The following LETM1 variants were observed in gnomAD, a reference collection of about 807,000 sequenced individuals.
LETM1 encodes mitochondrial proton/calcium exchanger protein.
A neutral mutation model predicts 74.5 loss-of-function variants in LETM1; 50 were observed. The ratio of observed to expected loss-of-function variants is 0.67; its 90% CI spans 0.53 to 0.85. LETM1 has a LOEUF of 0.85. LETM1 is among the 40% of genes least tolerant of loss of function. LETM1 has a pLI of 0.00. For missense variants in LETM1, 824 were observed against 967.8 expected (o/e 0.85, Z 1.97); for synonymous variants, 446 against 407.1 (o/e 1.10, Z -1.15).
At chr4:1,851,518 G>C (rs570333708) in intron 1 of LETM1, among the ~76,000 whole-genome samples, 2 of 152,320 alleles carry the variant, frequency 1.3e-5, no homozygotes, top group African/African-American at 4.8e-5. Flanking sequence ...TTTAGGGCTT[G>C]TAACAGTCCG....
chr4:1,839,685 T>TA (rs1712617459), intron 3 of LETM1, among the ~76,000 whole-genome samples: 1 of 152,212 alleles, frequency 6.6e-6, no homozygotes, highest in African/African-American at 2.4e-5. Flanking sequence ...TCACCTGCCC[T>TA]AAGGCAGGTC....
chr4:1,815,934 C>G, intron 12 of LETM1, 132 bp from the exon 13 acceptor site: 1 of 1,044,088 alleles, frequency 9.6e-7, no homozygotes, highest in Admixed American at 2.0e-5. Context: ...ACCTCCAGCA[C>G]GGACCCCCAA....
rs201713811 is a variant in LETM1, at chr4:1,825,547, G to A, written c.1200+17C>T. ...TTGAGCCCGTGCCGGCCTGGCACCA[G>A]GCCAATATTCACGCACCTGCTTCAG... On this transcript the variant is annotated intron_variant, in intron 7 of 13. Transcript: ENST00000302787. The A allele has an allele frequency of 1.2e-6, 2 of 1,602,760 alleles. No individual in the cohort carries two copies. Among genetic ancestry groups the A allele is most frequent in the African/African-American group, 1.3e-5 (1 of 74,112 alleles).
intron 8 of LETM1, 69 bp from the exon 9 acceptor site, chr4:1,823,200 G>T: frequency 6.8e-7 from 1 of 1,480,254 alleles, no homozygotes. Context: ...CCTCACCTCT[G>T]TCCTGTGTCC....
chr4:1,850,559 C>T (rs944164139), intron 1 of LETM1, among the ~76,000 whole-genome samples: 2 of 148,296 alleles, frequency 1.3e-5, no homozygotes, highest in African/African-American at 2.5e-5. Flanking sequence ...CCAGCACAGA[C>T]GTGAACCCGG....
chr4:1,828,818 C>T (rs1389456456), intron 6 of LETM1, among the ~76,000 whole-genome samples: 30 of 132,750 alleles, frequency 2.3e-4, no homozygotes, highest in Non-Finnish European at 4.4e-4. Flanking sequence ...GGGGCTGACC[C>T]CCCCCACCTC....
At chr4:1,843,137 ATTAC>A (rs1369948572) in intron 2 of LETM1, 3 of 218,602 alleles carry the variant, frequency 1.4e-5, no homozygotes, top group African/African-American at 7.2e-5. Context: ...TTCCAGCTCC[ATTAC>A]TTACTGCTGC....
chr4:1,819,109 C>T (rs115023498), intron 11 of LETM1, among the ~76,000 whole-genome samples: 2,290 of 151,408 alleles, frequency 0.015, 31 homozygotes, highest in African/African-American at 0.039. Flanking sequence ...AAGGTGCACA[C>T]ACATCTGTGG....
intron 6 of LETM1, among the ~76,000 whole-genome samples, chr4:1,828,370 CG>C (rs1712097316): frequency 3.3e-5 from 3 of 92,108 alleles, no homozygotes; most frequent in African/African-American, 9.0e-5. Context: ...GCTGGCCGGG[CG>C]GGGGGCTGAC....
In LETM1 at chr4:1,815,205, C is replaced by A. The variant is rs562057026; in HGVS notation, c.2070+459G>T. Among the ~76,000 whole-genome samples, 281 of 152,340 alleles carry A rather than the reference C, an allele frequency of 1.8e-3. 3 individuals carry two copies. Among genetic ancestry groups the A allele is most frequent in the Middle Eastern group, 3.4e-3 (1 of 294 alleles). ...GAACCTGAGTGGCTGCACTTGGGAG[C>A]TCAGCCCAGCAGTCACCTCTCAGCC... On this transcript the variant is annotated intron_variant, in intron 13 of 13. Transcript: ENST00000302787.
At chr4:1,820,822 G>A (rs1005512951) in intron 10 of LETM1, among the ~76,000 whole-genome samples, 3 of 152,086 alleles carry the variant, frequency 2.0e-5, no homozygotes, top group African/African-American at 4.8e-5. Context: ...TCAGGAGTTC[G>A]AGACCAGCCT....
chr4:1,822,358 A>G, intron 9 of LETM1, 46 bp from the exon 10 acceptor site: 3 of 1,412,178 alleles, frequency 2.1e-6, no homozygotes, highest in Non-Finnish European at 2.8e-6. Context: ...ATCACACAGA[A>G]GCAGTCTTCT....
In LETM1 at chr4:1,812,359, TG is replaced by T. The variant is rs1427193542; in HGVS notation, c.*2064del. Reference sequence around the variant, plus strand: ...CAGCCTGGGTGACAGAGCGAGACTCTGTATCAAAAAAAAAAAAAAAAAAAAA... The same window carrying T: ...CAGCCTGGGTGACAGAGCGAGACTCTTATCAAAAAAAAAAAAAAAAAAAAA... On this transcript the variant is annotated 3_prime_UTR_variant, in exon 14 of 14. Transcript: ENST00000302787. 4.1e-4 allele frequency: 40 copies of T among 97,250 alleles called. No homozygotes were observed. The highest frequency in any genetic ancestry group is 3.1e-3 in the Admixed American group (24 of 7,820). The allele number at this position is 97,250 out of a possible 1,614,324, so 6.0% of individuals were successfully genotyped here.
intron 11 of LETM1, among the ~76,000 whole-genome samples, chr4:1,818,856 T>G (rs906446228): frequency 6.6e-6 from 1 of 151,620 alleles, no homozygotes; most frequent in Non-Finnish European, 1.5e-5. Flanking sequence ...GCGAGGCAGG[T>G]CGGTCACCTG....
chr4:1,825,480 T>C (rs941528617), intron 7 of LETM1, 84 bp downstream of exon 7: 16 of 1,522,890 alleles, frequency 1.1e-5, no homozygotes, highest in Non-Finnish European at 1.2e-5. Context: ...GCCCAGAGTT[T>C]GGGAAGAGCC....
chr4:1,819,412 C>G lies in LETM1; in HGVS notation c.1669G>C (p.Glu557Gln). Residue 557 changes from glutamate to glutamine, a missense_variant, in exon 11 of 14, where the codon GAG becomes CAG. Coordinates refer to ENST00000302787, the MANE Select transcript of LETM1 (RefSeq NM_012318.3). ...TCCTTGGTGAGTGACTTCTTCTGCT[C>G]CTGCAGCTTAGAGCAGGCATCGCTG... Reference protein sequence around the residue: ...ILSDACSKLQEQKKSLTKEKE... With the variant: ...ILSDACSKLQQQKKSLTKEKE... The G allele has an allele frequency of 6.2e-7, 1 of 1,614,004 alleles. No homozygotes were observed. Among genetic ancestry groups the G allele is most frequent in the Non-Finnish European group, 8.5e-7 (1 of 1,179,970 alleles).
chr4:1,823,315 G>A (rs1004858933), intron 8 of LETM1, among the ~76,000 whole-genome samples, 184 bp from the exon 9 acceptor site: 9 of 150,110 alleles, frequency 6.0e-5, no homozygotes, highest in East Asian at 4.0e-4. Flanking sequence ...CGCCCTCTGC[G>A]CTCGCCCGAT....
rs1372693230 is a variant in LETM1 at position 1,836,639 on chromosome 4, C to A, written c.595-67G>T. 1 of 1,556,684 alleles carries A rather than the reference C, an allele frequency of 6.4e-7. No individual in the cohort carries two copies. Among genetic ancestry groups the A allele is most frequent in the Non-Finnish European group, 8.8e-7 (1 of 1,134,102 alleles). On this transcript the variant is annotated intron_variant, in intron 3 of 13. Coordinates refer to ENST00000302787, the MANE Select transcript of LETM1 (RefSeq NM_012318.3). This position sits in a 1 kb window ranked among gnomAD's most constrained non-coding sequence, Gnocchi z 5.8. ...TGGGAACAAGGGCAAGGGGTGTGAG[C>A]ATTTCTCCTATAATGGTTTATAGGC...
chr4:1,828,823 C>T (rs1440146280), intron 6 of LETM1, among the ~76,000 whole-genome samples: 1 of 133,800 alleles, frequency 7.5e-6, no homozygotes, highest in African/African-American at 2.8e-5. Flanking sequence ...TGACCCCCCC[C>T]ACCTCCCTCC....
Sources: gnomAD v4.1 joint callset for allele counts (sites outside exome capture counted in the v4.1 genomes callset) on GRCh38, gnomAD v4.1.1 for gene constraint, Gnocchi (gnomAD v3.1) non-coding constraint, MANE v1.5 for transcripts, NCBI Gene and HGNC (gene_info 2026-07-23, HGNC 2026-07-21) for gene names.